The following NSRP1 variants were observed in gnomAD, a reference collection of about 807,000 sequenced individuals.
NSRP1 encodes nuclear speckle splicing regulatory protein 1, also known as coiled-coil domain containing 55.
A neutral mutation model predicts 54.7 loss-of-function variants in NSRP1; 24 were observed. The ratio of observed to expected loss-of-function variants is 0.44; its 90% CI spans 0.32 to 0.62. The LOEUF is 0.62. Among genes scored for constraint, NSRP1 ranks in the 20% least tolerant of loss-of-function variants. The pLI, the probability that NSRP1 is intolerant of heterozygous loss-of-function variation, is 0.06. For synonymous variants in NSRP1, 210 were observed against 213.8 expected (o/e 0.98, Z 0.15); for missense variants, 596 against 651.2 (o/e 0.92, Z 0.92).
chr17:30,180,953 G>A lies in NSRP1; in HGVS notation c.554G>A (p.Arg185Lys), dbSNP rs757684820. ...TKQKDLSGFY[R>K]HLLNQAVGEE... ...CAGAAAGATCTCAGTGGATTTTATA[G>A]GCACCTATTAAATCAAGCAGTTGGT... is the stretch of plus-strand genomic sequence containing the variant. Residue 185 changes from arginine (R) to lysine (K), a missense_variant, in exon 6 of 7, where the codon AGG becomes AAG. By Grantham distance (26) the Arg-to-Lys change is conservative. Coordinates refer to ENST00000247026, the MANE Select transcript of NSRP1 (RefSeq NM_032141.4). 6 of 1,613,818 alleles carry A rather than the reference G, an allele frequency of 3.7e-6. No individual in the cohort carries two copies. The East Asian group carries it at 1.1e-4, about 30-fold the overall frequency.
At chr17:30,171,880 T>C (rs968151273) in intron 2 of NSRP1, among the ~76,000 whole-genome samples, 3 of 151,390 alleles carry the variant, frequency 2.0e-5, no homozygotes, top group African/African-American at 4.9e-5. Context: ...AATCATACCA[T>C]TTTAGTGTTG....
intron 2 of NSRP1, among the ~76,000 whole-genome samples, chr17:30,131,700 G>T (rs1225346930): frequency 2.6e-5 from 4 of 152,186 alleles, no homozygotes; most frequent in Admixed American, 1.3e-4. Context: ...TTTGCTGAAG[G>T]CTGGGTGGCC....
intron 2 of NSRP1, among the ~76,000 whole-genome samples, chr17:30,132,888 G>A (rs1237101269): frequency 6.6e-6 from 1 of 152,172 alleles, no homozygotes; most frequent in Non-Finnish European, 1.5e-5. Flanking sequence ...CAGTTTACTT[G>A]CCCACATCTG....
chr17:30,118,023 ATT>A, intron 1 of NSRP1, 55 bp from the exon 2 acceptor site: 1 of 1,341,726 alleles, frequency 7.5e-7, no homozygotes, highest in Non-Finnish European at 1.1e-6. Context: ...TAGTAGATGT[ATT>A]TGTTAACATT....
chr17:30,174,896 A>C lies in NSRP1; in HGVS notation c.171+2298A>C, dbSNP rs1030342979. 2.0e-5 allele frequency among the ~76,000 whole-genome samples: 3 copies of C among 152,332 alleles called. No homozygotes were observed. The East Asian group carries it at 5.8e-4, about 29-fold the overall frequency. On this transcript the variant is annotated intron_variant, in intron 3 of 6. Transcript: ENST00000247026. ...AAAGCTTCATTAAGAGTTTTTAAGT[A>C]TTGAAGATTTTTGCATCATAAGTGA...
At position 30,186,199 on chromosome 17, in the gene NSRP1, A is replaced by T. The variant is rs986894826; in HGVS notation, c.*525A>T. On this transcript the variant is annotated 3_prime_UTR_variant, in exon 7 of 7. Coordinates refer to ENST00000247026, the MANE Select transcript of NSRP1 (RefSeq NM_032141.4). ...AAGATCACTTGAGCCTAGGAATTTG[A>T]TGTTACAGTGAGGTATGATCATGCC... 1 of 152,224 alleles carries T rather than the reference A, an allele frequency of 6.6e-6. No homozygotes were observed. Among genetic ancestry groups the T allele is most frequent in the African/African-American group, 2.4e-5 (1 of 41,456 alleles). 9.4% of individuals were successfully genotyped at this position (152,224 alleles called of 1,614,324 possible).
rs1406078246 is a variant in NSRP1 at position 30,184,626 on chromosome 17, A to C, written c.629A>C (p.Lys210Thr). Residue 210 changes from lysine (K) to threonine (T), a missense_variant, in exon 7 of 7, where the codon AAG (lysine) becomes ACG (threonine). By Grantham distance (78) the Lys-to-Thr change is moderately conservative. Coordinates refer to ENST00000247026, the MANE Select transcript of NSRP1 (RefSeq NM_032141.4). ...CSFREARSGI[K>T]EEKSRGFSNE... ...TTTTTGTTTCTAAGATCTGGTATAA[A>C]GGAAGAAAAATCAAGGGGCTTCTCC... is the stretch of plus-strand genomic sequence containing the variant. 6.4e-7 allele frequency: 1 copy of C among 1,562,516 alleles called. No individual in the cohort carries two copies. Among genetic ancestry groups the C allele is most frequent in the East Asian group, 2.3e-5 (1 of 44,300 alleles).
At chr17:30,138,662 G>A (rs573271639) in intron 2 of NSRP1, among the ~76,000 whole-genome samples, 44 of 152,120 alleles carry the variant, frequency 2.9e-4, no homozygotes, top group African/African-American at 9.9e-4. Context: ...CAGATACAGA[G>A]GGCCAACTGT....
chr17:30,131,394 A>G (rs1034444915), intron 2 of NSRP1, among the ~76,000 whole-genome samples: 2 of 152,160 alleles, frequency 1.3e-5, no homozygotes, highest in Non-Finnish European at 2.9e-5. Flanking sequence ...ATACACAGGT[A>G]TACCTCACTG....
chr17:30,151,774 C>CTTTTTTTT, intron 2 of NSRP1, among the ~76,000 whole-genome samples: 1 of 48,912 alleles, frequency 2.0e-5, no homozygotes, highest in Non-Finnish European at 4.0e-5. Flanking sequence ...TTGTCACTTT[C>CTTTTTTTT]TTTTTTTTTT....
At chr17:30,116,899 T>C (rs371280973) in intron 1 of NSRP1, 36 bp downstream of exon 1, 1 of 1,562,514 alleles carries the variant, frequency 6.4e-7, no homozygotes, top group African/African-American at 1.4e-5. Context: ...GGCTGGGGGA[T>C]GAGAAACTAC....
At chr17:30,148,102 A>G (rs2071874395) in intron 2 of NSRP1, among the ~76,000 whole-genome samples, 1 of 152,216 alleles carries the variant, frequency 6.6e-6, no homozygotes, top group African/African-American at 2.4e-5. Context: ...GGCGTGAGTC[A>G]CTGTGCCTAG....
chr17:30,175,611 T>C (rs1366697989), intron 3 of NSRP1, among the ~76,000 whole-genome samples: 1 of 152,004 alleles, frequency 6.6e-6, no homozygotes, highest in African/African-American at 2.4e-5. Flanking sequence ...TTTTATATTT[T>C]TAGATGGCCA....
intron 2 of NSRP1, among the ~76,000 whole-genome samples, chr17:30,123,200 A>G (rs1597592479): frequency 6.6e-6 from 1 of 152,190 alleles, no homozygotes; most frequent in South Asian, 2.1e-4. Context: ...CCTGGGTTCA[A>G]CCAGTTTCCC....
At chr17:30,154,535 A>T (rs1415887864) in intron 2 of NSRP1, 2 of 152,014 alleles carry the variant, frequency 1.3e-5, no homozygotes, top group South Asian at 2.1e-4. Context: ...CAACACAGTG[A>T]TACCCTGTCT....
At chr17:30,179,444 A>G in intron 5 of NSRP1, 147 bp downstream of exon 5, 1 of 1,263,924 alleles carries the variant, frequency 7.9e-7, no homozygotes, top group Non-Finnish European at 1.0e-6. Context: ...GGAATATGGT[A>G]TTATATAGCA....
chr17:30,170,700 G>A lies in NSRP1; in HGVS notation c.115-1842G>A, dbSNP rs192407238. Among the ~76,000 whole-genome samples the A allele has an allele frequency of 8.5e-5, 13 of 152,254 alleles. No homozygotes were observed. In the East Asian group the frequency reaches 2.5e-3, roughly 30 times the overall value. On this transcript the variant is annotated intron_variant, in intron 2 of 6. Coordinates refer to ENST00000247026, the MANE Select transcript of NSRP1 (RefSeq NM_032141.4). ...TCATTTGTCAATGAACAGGTAGATT[G>A]TTTCCATACCTGGCTATTGCAAATA...
intron 2 of NSRP1, among the ~76,000 whole-genome samples, chr17:30,132,842 G>A (rs1455565675): frequency 6.6e-6 from 1 of 152,188 alleles, no homozygotes; most frequent in Non-Finnish European, 1.5e-5. Flanking sequence ...TGTTCTTAAT[G>A]GCTTCTAGAC....
intron 2 of NSRP1, among the ~76,000 whole-genome samples, chr17:30,167,401 G>C (rs1002948348): frequency 6.6e-6 from 1 of 152,138 alleles, no homozygotes; most frequent in Admixed American, 6.5e-5. Context: ...ATGAGGTCAG[G>C]AGTTCGAGAC....
Sources: allele counts gnomAD v4.1 joint callset (sites outside exome capture counted in the v4.1 genomes callset), GRCh38; gene constraint gnomAD v4.1.1; transcripts MANE v1.5; gene names NCBI Gene and HGNC (gene_info 2026-07-23, HGNC 2026-07-21).